The following CGN variants were observed in gnomAD, a reference collection of about 807,000 sequenced individuals.
CGN encodes the protein cingulin.
In CGN, 121 loss-of-function variants were observed where a neutral mutation model predicts 157.1. The ratio of observed to expected loss-of-function variants is 0.77; its 90% CI spans 0.66 to 0.90. The LOEUF (loss-of-function observed/expected upper bound fraction) is 0.90. Among genes scored for constraint, CGN ranks in the 40% least tolerant of loss-of-function variants. The pLI, the probability that CGN is intolerant of heterozygous loss-of-function variation, is 0.00. For missense variants in CGN, 1,424 were observed against 1,520.9 expected (o/e 0.94, Z 1.06); for synonymous variants, 535 against 607.5 (o/e 0.88, Z 1.76).
At chr1:151,529,312 G>A (rs1664772648) in intron 10 of CGN, 38 bp from the exon 11 acceptor site, 1 of 1,569,050 alleles carries the variant, frequency 6.4e-7, no homozygotes, top group African/African-American at 1.4e-5. Context: ...TCTTAGTCTG[G>A]CTCTGGGTGC....
Position 151,518,957 on chromosome 1 carries a change from A to G in CGN, c.438A>G (p.Pro146=). ...HSQASLAGPG[P]VDPSNRSNSM... is the part of the protein sequence containing the mutation. ...AGGCCTCACTGGCAGGCCCTGGCCC[A>G]GTGGATCCTAGTAACAGAAGCAACA... The change falls in exon 2 of 21, where the codon CCA becomes CCG. Residue 146 remains proline (P), a synonymous_variant. Coordinates refer to ENST00000271636, the MANE Select transcript of CGN (RefSeq NM_020770.3). The G allele has an allele frequency of 1.9e-6, 3 of 1,614,120 alleles. No homozygotes were observed. The highest frequency in any genetic ancestry group is 1.7e-6 in the Non-Finnish European group (2 of 1,180,006).
At chr1:151,519,489 T>C in intron 2 of CGN, 97 bp downstream of exon 2, 1 of 1,115,456 alleles carries the variant, frequency 9.0e-7, no homozygotes, top group Non-Finnish European at 1.2e-6. Flanking sequence ...CTAATTCAAA[T>C]AGCCTAGGCA....
chr1:151,533,887 G>C (rs1664896978), intron 14 of CGN, 88 bp from the exon 15 acceptor site: 4 of 1,155,614 alleles, frequency 3.5e-6, no homozygotes, highest in Non-Finnish European at 4.8e-6. Context: ...GTGATGAAAT[G>C]TTTCTGCCCA....
intron 6 of CGN, among the ~76,000 whole-genome samples, chr1:151,523,976 A>G (rs1664608666): frequency 6.6e-6 from 1 of 152,144 alleles, no homozygotes; most frequent in Non-Finnish European, 1.5e-5. Context: ...GTTTCTACTG[A>G]GAGGGAACAG....
rs1425751892 is a variant in CGN at position 151,524,385 on chromosome 1, C to T, written c.1401+27C>T. The T allele has an allele frequency of 6.2e-7, 1 of 1,609,540 alleles. No individual in the cohort carries two copies. The highest frequency in any genetic ancestry group is 8.5e-7 in the Non-Finnish European group (1 of 1,177,770). ...TAGGGTCTGGGGTCATATGCCCCAGCCTCTGCTTTTTCTCAGTTGGAGCAT... is the reference window on the plus strand; with the variant it reads ...TAGGGTCTGGGGTCATATGCCCCAGTCTCTGCTTTTTCTCAGTTGGAGCAT... On this transcript the variant is annotated intron_variant, in intron 7 of 20. Transcript: ENST00000271636. The surrounding 1 kb of genome is among the most constrained non-coding windows in gnomAD (Gnocchi z 4.4).
chr1:151,514,811 G>A (rs1664372274), intron 1 of CGN, among the ~76,000 whole-genome samples: 1 of 152,156 alleles, frequency 6.6e-6, no homozygotes, highest in African/African-American at 2.4e-5. Flanking sequence ...GGGAGTGGTG[G>A]TCAGGGAAGG....
intron 10 of CGN, 24 bp downstream of exon 10, chr1:151,527,131 A>G (rs368477369): frequency 7.4e-6 from 12 of 1,613,604 alleles, no homozygotes; most frequent in African/African-American, 1.3e-5. Flanking sequence ...GGGGGGCAGA[A>G]TGGTAGGTAG....
At chr1:151,520,752 G>T in intron 5 of CGN, 61 bp downstream of exon 5, 1 of 1,350,908 alleles carries the variant, frequency 7.4e-7, no homozygotes, top group South Asian at 1.2e-5. Flanking sequence ...CCTTGGCCTG[G>T]AGATGGGCTG....
intron 1 of CGN, among the ~76,000 whole-genome samples, chr1:151,516,889 G>A (rs539250135): frequency 3.5e-4 from 53 of 151,692 alleles, no homozygotes; most frequent in African/African-American, 1.2e-3. Context: ...GGCTGGGTGC[G>A]TGGCTCATGC....
intron 5 of CGN, 90 bp from the exon 6 acceptor site, chr1:151,523,344 C>T (rs1048750144): frequency 6.5e-6 from 8 of 1,235,406 alleles, no homozygotes; most frequent in Non-Finnish European, 9.1e-6. Context: ...CAGCAAGTGT[C>T]CAATGAGTGT....
At position 151,524,328 on chromosome 1, in the gene CGN, T is replaced by G; in HGVS notation, c.1371T>G (p.Gly457=). Residue 457 remains glycine, a synonymous_variant, in exon 7 of 21, where the codon GGT becomes GGG. Transcript: ENST00000271636. The surrounding 1 kb of genome is among the most constrained non-coding windows in gnomAD (Gnocchi z 4.4). ...AGAACAAGCTGAAACATGTCCAGGG[T>G]CCTGAGCCTGCTAAGGAGGTGTTAC... ...ELQNKLKHVQ[G]PEPAKEVLLK... The G allele has an allele frequency of 6.2e-7, 1 of 1,614,018 alleles. No individual in the cohort carries two copies. The highest frequency in any genetic ancestry group is 1.6e-4 in the Middle Eastern group (1 of 6,062).
rs1664989792 is a variant in CGN, at chr1:151,537,266, G to A, written c.3532G>A (p.Glu1178Lys). The A allele has an allele frequency of 1.9e-6, 3 of 1,614,126 alleles. No homozygotes were observed. Among genetic ancestry groups the A allele is most frequent in the Admixed American group, 1.7e-5 (1 of 60,026 alleles). ...ALKNEGLSSD[E>K]EFDSVYDPSS... Reference sequence around the variant, plus strand: ...CAAAAACGAAGGGCTGAGCTCAGATGAGGAATTCGACAGTGTCTACGATCC... The same window carrying A: ...CAAAAACGAAGGGCTGAGCTCAGATAAGGAATTCGACAGTGTCTACGATCC... Residue 1178 changes from glutamate (E) to lysine (K), a missense_variant, in exon 21 of 21, where the codon GAG becomes AAG. Physicochemically the swap from Glu to Lys is moderately conservative, Grantham distance 56 (BLOSUM62 1). This residue lies in a region of CGN where 199 missense variants were observed against 272.2 expected (regional missense o/e 0.73). Transcript: ENST00000271636.
rs1009014225 is a variant in CGN, at chr1:151,538,584, G to A, written c.*1238G>A. 2.0e-5 allele frequency: 3 copies of A among 152,134 alleles called. No homozygotes were observed. Among genetic ancestry groups the A allele is most frequent in the Admixed American group, 1.3e-4 (2 of 15,284 alleles). 9.4% of individuals were successfully genotyped at this position (152,134 alleles called of 1,614,324 possible). On this transcript the variant is annotated 3_prime_UTR_variant, in exon 21 of 21. Coordinates refer to ENST00000271636, the MANE Select transcript of CGN (RefSeq NM_020770.3). The stretch of plus-strand genomic sequence containing the variant: ...TTTCACAAATGACTTGTAATGTCGT[G>A]ATTAAAAAAATTCCTATATTCTTCT...
chr1:151,518,882 T>C lies in CGN; in HGVS notation c.363T>C (p.Asp121=). The C allele has an allele frequency of 6.2e-7, 1 of 1,614,046 alleles. No individual in the cohort carries two copies. Among genetic ancestry groups the C allele is most frequent in the Non-Finnish European group, 8.5e-7 (1 of 1,179,958 alleles). The change falls in exon 2 of 21, where the codon GAT becomes GAC. Residue 121 remains aspartate, a synonymous_variant. Coordinates refer to ENST00000271636, the MANE Select transcript of CGN (RefSeq NM_020770.3). ...CCCCCTCGCAGAGCAGCACATCTGA[T>C]GAGGAGCCTGGGGCCTACTGGAATG... The part of the protein sequence containing the change: ...FPAPSQSSTS[D]EEPGAYWNGK...
At chr1:151,535,155 C>G (rs760211256) in intron 16 of CGN, 24 bp downstream of exon 16, 1 of 1,543,716 alleles carries the variant, frequency 6.5e-7, no homozygotes, top group Admixed American at 1.7e-5. Flanking sequence ...CCCCTCATCT[C>G]TGTTTACCCC....
Position 151,529,347 on chromosome 1 carries a change from C to T in CGN, c.1897-3C>T, listed in dbSNP as rs1484929656. 3 of 1,612,520 alleles carry T rather than the reference C, an allele frequency of 1.9e-6. No individual in the cohort carries two copies. The highest frequency in any genetic ancestry group is 1.1e-5 in the South Asian group (1 of 91,044). ...CCCCATCACCATTCCCGTTTCCTTC[C>T]AGGAGCTGCTCCGGACACAGGAGGA... is the stretch of plus-strand genomic sequence containing the variant. On this transcript the variant is annotated splice_region_variant and splice_polypyrimidine_tract_variant and intron_variant, in intron 10 of 20. Coordinates refer to ENST00000271636, the MANE Select transcript of CGN (RefSeq NM_020770.3).
chr1:151,516,667 C>T (rs928675175), intron 1 of CGN, among the ~76,000 whole-genome samples: 3 of 151,448 alleles, frequency 2.0e-5, no homozygotes, highest in Non-Finnish European at 2.9e-5. Context: ...CTCAGCCTCC[C>T]GAGCAGCTGG....
intron 15 of CGN, chr1:151,534,758 C>CT (rs1664918052): frequency 2.7e-6 from 1 of 369,082 alleles, no homozygotes; most frequent in East Asian, 5.9e-5. Flanking sequence ...CTCTCTTTTC[C>CT]CATTAGAGAA....
rs1444537292 is a variant in CGN at position 151,520,278 on chromosome 1, C to T, written c.974+12C>T. On this transcript the variant is annotated intron_variant, in intron 3 of 20. Transcript: ENST00000271636. ...ATCCTGAGGGAGGGGTGAGTGGGGG[C>T]CCCCCCAACAACAGAGGCATACCCC... The T allele has an allele frequency of 3.1e-6, 5 of 1,596,148 alleles. No homozygotes were observed. The Admixed American group carries it at 6.7e-5, about 21-fold the overall frequency.
Sources: gnomAD v4.1 joint callset for allele counts (sites outside exome capture counted in the v4.1 genomes callset) on GRCh38, gnomAD v4.1.1 for gene constraint, gnomAD v4.1.1 regional missense constraint, Gnocchi (gnomAD v3.1) non-coding constraint, MANE v1.5 for transcripts, NCBI Gene and HGNC (gene_info 2026-07-23, HGNC 2026-07-21) for gene names.